The following USP46 variants were observed in gnomAD, a reference collection of about 807,000 sequenced individuals.
USP46 encodes ubiquitin specific peptidase 46.
Under a neutral mutation model 44.4 loss-of-function variants are expected in USP46, and 12 were observed. The observed-to-expected ratio is 0.27, with a 90% confidence interval of 0.17 to 0.44. The LOEUF (loss-of-function observed/expected upper bound fraction) is 0.44, where lower values mean the gene tolerates loss of function less well. Among genes scored for constraint, USP46 ranks in the 20% least tolerant of loss-of-function variants. USP46 has a pLI of 1.00. For missense variants in USP46, 248 were observed against 444.8 expected (o/e 0.56, Z 3.98); for synonymous variants, 155 against 161.5 (o/e 0.96, Z 0.31).
chr4:52,629,012 C>A (rs1277093160), intron 2 of USP46, among the ~76,000 whole-genome samples: 1 of 152,232 alleles, frequency 6.6e-6, no homozygotes. Flanking sequence ...CTGAGACTAT[C>A]ACTTTAGAAT....
intron 3 of USP46, among the ~76,000 whole-genome samples, chr4:52,627,091 C>T (rs1717624219): frequency 6.6e-6 from 1 of 152,126 alleles, no homozygotes; most frequent in South Asian, 2.1e-4. Context: ...AGTGCTGCTC[C>T]CTGCCATAAG....
rs575678729 is a variant in USP46 at position 52,623,856 on chromosome 4, G to A, written c.561+2162C>T. 1.1e-3 allele frequency among the ~76,000 whole-genome samples: 165 copies of A among 152,172 alleles called. 2 individuals are homozygous for A. Among genetic ancestry groups the A allele is most frequent in the Middle Eastern group, 6.8e-3 (2 of 294 alleles). On this transcript the variant is annotated intron_variant, in intron 4 of 8. Coordinates refer to ENST00000441222, the MANE Select transcript of USP46 (RefSeq NM_022832.4). ...AATCACTTGAACCCGGGAGGCAGAG[G>A]TTGGAGCGAGCTGAGATCAAGCCAC...
intron 4 of USP46, among the ~76,000 whole-genome samples, chr4:52,622,129 A>G (rs543792974): frequency 4.5e-4 from 69 of 152,358 alleles, no homozygotes; most frequent in African/African-American, 1.6e-3. Flanking sequence ...TGACACACAA[A>G]ATGGAAGACA....
At chr4:52,643,013 C>A (rs182745840) in intron 1 of USP46, among the ~76,000 whole-genome samples, 63 of 152,012 alleles carry the variant, frequency 4.1e-4, no homozygotes, top group Non-Finnish European at 7.5e-4. Flanking sequence ...TAGCTTATCT[C>A]TTGGATTATT....
intron 3 of USP46, among the ~76,000 whole-genome samples, chr4:52,627,122 T>C (rs956332661): frequency 1.3e-5 from 2 of 152,242 alleles, no homozygotes; most frequent in East Asian, 3.8e-4. Flanking sequence ...CAGAGATGAA[T>C]GCAGCTGTGA....
At chr4:52,657,880 C>G (rs1328186770) in intron 1 of USP46, among the ~76,000 whole-genome samples, 1 of 152,212 alleles carries the variant, frequency 6.6e-6, no homozygotes, top group South Asian at 2.1e-4. Context: ...CCTGAGCTAA[C>G]ACAAGGCTTC....
chr4:52,632,820 AAGAAC>A (rs1043900197), intron 1 of USP46, among the ~76,000 whole-genome samples: 4 of 151,166 alleles, frequency 2.6e-5, no homozygotes, highest in African/African-American at 4.9e-5. Flanking sequence ...CAAGAAGGAA[AAGAAC>A]AGAACAGAAC....
chr4:52,597,695 T>C lies in USP46; in HGVS notation c.1046A>G (p.Asp349Gly), dbSNP rs1716301982. 6.2e-7 allele frequency: 1 copy of C among 1,603,838 alleles called. No homozygotes were observed. Among genetic ancestry groups the C allele is most frequent in the South Asian group, 1.1e-5 (1 of 88,862 alleles). The change falls in exon 9 of 9, where the codon GAT (aspartate) becomes GGT (glycine). Residue 349 changes from aspartate to glycine, a missense_variant. Asp to Gly is a moderately conservative substitution (Grantham distance 94). Coordinates refer to ENST00000441222, the MANE Select transcript of USP46 (RefSeq NM_022832.4). ...TCCAGATTCTGAATTTTTTGATATA[T>C]CTGACGTCAGGCCATAGAATTCTTC... ...AIEEFYGLTS[D>G]ISKNSESGYI... is the part of the protein sequence containing the mutation.
intron 2 of USP46, 117 bp from the exon 3 acceptor site, chr4:52,628,280 T>G (rs1717674918): frequency 2.2e-6 from 2 of 926,644 alleles, no homozygotes; most frequent in Admixed American, 5.3e-5. Flanking sequence ...GTCCCTGTAT[T>G]GGAGTCCAGC....
intron 3 of USP46, among the ~76,000 whole-genome samples, chr4:52,627,483 C>A (rs1442831010): frequency 6.6e-6 from 1 of 152,186 alleles, no homozygotes; most frequent in East Asian, 1.9e-4. Context: ...AATTTGATAT[C>A]CTTCAATTAC....
intron 3 of USP46, 83 bp from the exon 4 acceptor site, chr4:52,626,330 T>G: frequency 8.1e-7 from 1 of 1,238,270 alleles, no homozygotes; most frequent in Non-Finnish European, 1.1e-6. Flanking sequence ...CATACTTAAA[T>G]ATTTTTTTTT....
In USP46 at chr4:52,628,223, T is replaced by C. The variant is rs539387153; in HGVS notation, c.118-60A>G. The C allele has an allele frequency of 5.6e-5, 87 of 1,544,848 alleles. No homozygotes were observed. In the East Asian group the frequency reaches 1.9e-3, roughly 34 times the overall value. On this transcript the variant is annotated intron_variant, in intron 2 of 8. Coordinates refer to ENST00000441222, the MANE Select transcript of USP46 (RefSeq NM_022832.4). Reference sequence around the variant, plus strand: ...GCCTGGGGATGAGCCACCTCTGGAATAAGTGGTGAGGGTGAGAAGGTCCCT... The same window carrying C: ...GCCTGGGGATGAGCCACCTCTGGAACAAGTGGTGAGGGTGAGAAGGTCCCT...
At chr4:52,601,803 G>T in intron 7 of USP46, 54 bp downstream of exon 7, 10 of 1,555,066 alleles carry the variant, frequency 6.4e-6, no homozygotes, top group Non-Finnish European at 8.7e-6. Context: ...ATACTTCAGC[G>T]AAGAGGCAAC....
At position 52,601,846 on chromosome 4, in the gene USP46, C is replaced by T. The variant is rs1213417567; in HGVS notation, c.920+11G>A. The stretch of plus-strand genomic sequence containing the variant: ...CTTACCCTGTATACCTGCTTCCAGT[C>T]TTGCCCTTACCTGCCACAGTGAACG... On this transcript the variant is annotated intron_variant, in intron 7 of 8. Coordinates refer to ENST00000441222, the MANE Select transcript of USP46 (RefSeq NM_022832.4). 1 of 1,611,202 alleles carries T rather than the reference C, an allele frequency of 6.2e-7. No homozygotes were observed. The highest frequency in any genetic ancestry group is 8.5e-7 in the Non-Finnish European group (1 of 1,178,986).
At chr4:52,603,091 C>T (rs896255828) in intron 6 of USP46, among the ~76,000 whole-genome samples, 4 of 152,128 alleles carry the variant, frequency 2.6e-5, no homozygotes, top group Admixed American at 2.6e-4. Context: ...AGGAAAAGCC[C>T]TGTTCATATA....
rs1301993573 is a variant in USP46, at chr4:52,659,086, C to A, written c.36+29G>T. ...TTTCTTTGCCTCGCCGCGAGTCGGGCGCGACCCCGAGGCGGCTCGGCCACT... is the reference window on the plus strand; with the variant it reads ...TTTCTTTGCCTCGCCGCGAGTCGGGAGCGACCCCGAGGCGGCTCGGCCACT... On this transcript the variant is annotated intron_variant, in intron 1 of 8. Transcript: ENST00000441222. The surrounding 1 kb of genome is among the most constrained non-coding windows in gnomAD (Gnocchi z 4.2). 1 of 1,549,770 alleles carries A rather than the reference C, an allele frequency of 6.5e-7. No individual in the cohort carries two copies. The highest frequency in any genetic ancestry group is 2.6e-5 in the East Asian group (1 of 38,212).
chr4:52,656,100 C>A (rs1489760591), intron 1 of USP46, among the ~76,000 whole-genome samples: 3 of 152,090 alleles, frequency 2.0e-5, no homozygotes, highest in African/African-American at 7.2e-5. Flanking sequence ...AAAAATGGTA[C>A]CTTCTAATAT....
rs1193946670 is a variant in USP46 at position 52,592,957 on chromosome 4, G to A, written c.*4683C>T. 2.5e-6 allele frequency: 1 copy of A among 398,462 alleles called. No homozygotes were observed. The highest frequency in any genetic ancestry group is 4.4e-6 in the Non-Finnish European group (1 of 226,212). The allele number at this position is 398,462 out of a possible 1,614,324, so 24.7% of individuals were successfully genotyped here. On this transcript the variant is annotated 3_prime_UTR_variant, in exon 9 of 9. Transcript: ENST00000441222. ...TTCTGCTGATTGTAAGTTTCCTGAG[G>A]CCTCCCCCAGAACAGAAGCCTGTAC...
At chr4:52,611,805 C>T (rs995902443) in intron 4 of USP46, among the ~76,000 whole-genome samples, 4 of 152,060 alleles carry the variant, frequency 2.6e-5, no homozygotes, top group East Asian at 1.9e-4. Flanking sequence ...GCAGGAGAAT[C>T]GCTTGAAGCT....
Sources: gnomAD v4.1 joint callset for allele counts (sites outside exome capture counted in the v4.1 genomes callset) on GRCh38, gnomAD v4.1.1 for gene constraint, Gnocchi (gnomAD v3.1) non-coding constraint, MANE v1.5 for transcripts, NCBI Gene and HGNC (gene_info 2026-07-23, HGNC 2026-07-21) for gene names.